The following ATXN7L1 variants were observed in gnomAD, a reference collection of about 807,000 sequenced individuals.
The protein encoded by ATXN7L1 is ataxin-7-like protein 1.
ATXN7L1 carries 15 observed loss-of-function variants against 70.8 expected under a neutral mutation model. That is an observed-to-expected ratio of 0.21 (90% CI 0.14 to 0.33). The LOEUF (loss-of-function observed/expected upper bound fraction) is 0.33, where lower values mean the gene tolerates loss of function less well. Ranked by LOEUF, ATXN7L1 falls within the 10% of genes least tolerant of loss-of-function variation. ATXN7L1 has a pLI of 1.00. For missense variants in ATXN7L1, 975 were observed against 1,097.1 expected (o/e 0.89, Z 1.57); for synonymous variants, 440 against 445.1 (o/e 0.99, Z 0.14).
At chr7:105,872,872 C>A (rs916986732) in intron 2 of ATXN7L1, among the ~76,000 whole-genome samples, 6 of 151,250 alleles carry the variant, frequency 4.0e-5, no homozygotes, top group African/African-American at 1.5e-4. Context: ...TCGGAACCAC[C>A]CGCCGGGCAC....
rs550341813 is a variant in ATXN7L1 at position 105,727,441 on chromosome 7, C to T, written c.355+61163G>A. 7.9e-4 allele frequency among the ~76,000 whole-genome samples: 120 copies of T among 151,694 alleles called. 1 individual carries two copies. In the South Asian group the frequency reaches 1.0e-2, roughly 13 times the overall value. ...CCCAGCAGTTTGGGAGGCCGAGGCGCGTGGATCACGTGAGGTCAGGAGTTC... is the reference window on the plus strand; with the variant it reads ...CCCAGCAGTTTGGGAGGCCGAGGCGTGTGGATCACGTGAGGTCAGGAGTTC... On this transcript the variant is annotated intron_variant, in intron 3 of 11. Coordinates refer to ENST00000419735, the MANE Select transcript of ATXN7L1 (RefSeq NM_020725.2).
chr7:105,674,244 A>G (rs1584667304), intron 3 of ATXN7L1, among the ~76,000 whole-genome samples: 3 of 152,316 alleles, frequency 2.0e-5, no homozygotes, highest in Admixed American at 2.0e-4. Flanking sequence ...GTTCACACCA[A>G]CACCAGCTCA....
intron 3 of ATXN7L1, among the ~76,000 whole-genome samples, chr7:105,742,833 C>T (rs866358296): frequency 1.3e-5 from 2 of 152,294 alleles, no homozygotes; most frequent in East Asian, 3.9e-4. Context: ...CAAACACATA[C>T]GCACAGCCTG....
intron 9 of ATXN7L1, among the ~76,000 whole-genome samples, chr7:105,617,295 A>G (rs1794061485): frequency 6.6e-6 from 1 of 152,178 alleles, no homozygotes; most frequent in African/African-American, 2.4e-5. Flanking sequence ...AAGTGCTGGG[A>G]TTACAGGCAT....
chr7:105,695,805 C>T (rs113379518), intron 3 of ATXN7L1, among the ~76,000 whole-genome samples: 2,892 of 152,322 alleles, frequency 0.019, 88 homozygotes, highest in African/African-American at 0.058. Flanking sequence ...AATGGACACA[C>T]GCACAGCTTA....
intron 3 of ATXN7L1, among the ~76,000 whole-genome samples, chr7:105,743,606 T>C (rs1798257524): frequency 6.6e-6 from 1 of 152,120 alleles, no homozygotes; most frequent in Non-Finnish European, 1.5e-5. Flanking sequence ...TCCGTGACTA[T>C]GCTGAATGTT....
chr7:105,672,239 T>A (rs1352570664), intron 3 of ATXN7L1, among the ~76,000 whole-genome samples: 1 of 152,026 alleles, frequency 6.6e-6, no homozygotes, highest in Non-Finnish European at 1.5e-5. Flanking sequence ...TGAGCCGAGA[T>A]CATGCCACTG....
intron 4 of ATXN7L1, among the ~76,000 whole-genome samples, chr7:105,659,487 A>C (rs994316596): frequency 2.6e-5 from 4 of 152,224 alleles, no homozygotes; most frequent in Non-Finnish European, 5.9e-5. Flanking sequence ...GTAAAAATTA[A>C]GTGCTCCGGG....
intron 4 of ATXN7L1, among the ~76,000 whole-genome samples, chr7:105,646,760 C>T (rs1411477560): frequency 1.7e-5 from 2 of 115,434 alleles, no homozygotes; most frequent in East Asian, 4.7e-4. Context: ...ACCGTGAGAC[C>T]ATGTCTCTAC....
intron 7 of ATXN7L1, among the ~76,000 whole-genome samples, chr7:105,634,819 C>T (rs1209724727): frequency 6.6e-6 from 1 of 151,968 alleles, no homozygotes; most frequent in Non-Finnish European, 1.5e-5. Context: ...GCAGCTCATG[C>T]CTGTAATCCC....
intron 2 of ATXN7L1, among the ~76,000 whole-genome samples, chr7:105,800,353 T>C (rs555215690): frequency 1.3e-5 from 2 of 152,304 alleles, no homozygotes; most frequent in Admixed American, 1.3e-4. Context: ...AAATCCTGTG[T>C]ATCCTTCAAG....
At chr7:105,864,578 G>A (rs1173485891) in intron 2 of ATXN7L1, among the ~76,000 whole-genome samples, 2 of 150,798 alleles carry the variant, frequency 1.3e-5, no homozygotes, top group Admixed American at 6.6e-5. Context: ...GGACAACACA[G>A]CAGGGTCTCC....
intron 2 of ATXN7L1, among the ~76,000 whole-genome samples, chr7:105,821,102 T>C (rs1162585396): frequency 6.6e-6 from 1 of 152,186 alleles, no homozygotes; most frequent in Non-Finnish European, 1.5e-5. Flanking sequence ...TGCGATGGCG[T>C]GATCTCTGTT....
At chr7:105,807,128 A>C (rs566756385) in intron 2 of ATXN7L1, among the ~76,000 whole-genome samples, 3 of 152,196 alleles carry the variant, frequency 2.0e-5, no homozygotes, top group Non-Finnish European at 1.5e-5. Flanking sequence ...ACTTCCCAGC[A>C]TAGCTGCCTT....
intron 3 of ATXN7L1, among the ~76,000 whole-genome samples, chr7:105,754,153 T>C (rs531510552): frequency 6.6e-6 from 1 of 152,136 alleles, no homozygotes; most frequent in Non-Finnish European, 1.5e-5. Context: ...TCTCAAGAAC[T>C]CTATACTGGT....
At chr7:105,871,322 C>T (rs1818231647) in intron 2 of ATXN7L1, among the ~76,000 whole-genome samples, 1 of 152,126 alleles carries the variant, frequency 6.6e-6, no homozygotes, top group Non-Finnish European at 1.5e-5. Flanking sequence ...TATCCTGCTC[C>T]TTCCAGTACC....
intron 3 of ATXN7L1, among the ~76,000 whole-genome samples, chr7:105,756,810 A>G (rs765794386): frequency 6.6e-5 from 10 of 152,162 alleles, no homozygotes; most frequent in Non-Finnish European, 1.3e-4. Context: ...AACGGTGATG[A>G]CCTCCAGGTA....
chr7:105,782,564 C>G (rs935882121), intron 3 of ATXN7L1, among the ~76,000 whole-genome samples: 6 of 152,180 alleles, frequency 3.9e-5, no homozygotes, highest in African/African-American at 1.4e-4. Context: ...TCTGGGATGC[C>G]AGCATGGGGC....
chr7:105,875,947 G>T, intron 1 of ATXN7L1, 67 bp from the exon 2 acceptor site: 2 of 1,356,882 alleles, frequency 1.5e-6, no homozygotes, highest in South Asian at 1.2e-5. Context: ...CCAAAGTCAA[G>T]GGGGGAGGGA....
Sources: allele counts gnomAD v4.1 joint callset (sites outside exome capture counted in the v4.1 genomes callset), GRCh38; gene constraint gnomAD v4.1.1; transcripts MANE v1.5; gene names NCBI Gene and HGNC (gene_info 2026-07-23, HGNC 2026-07-21).